The following TICRR variants were observed in gnomAD, a reference collection of about 807,000 sequenced individuals.
TICRR encodes the protein treslin.
A neutral mutation model predicts 178.1 loss-of-function variants in TICRR; 132 were observed. The ratio of observed to expected loss-of-function variants is 0.74; its 90% CI spans 0.64 to 0.86. TICRR has a LOEUF of 0.86. Among genes scored for constraint, TICRR ranks in the 40% least tolerant of loss-of-function variants. The probability of loss-of-function intolerance (pLI) is 0.00; values close to 1 mark genes in which losing one functional copy is unlikely to be tolerated. For synonymous variants in TICRR, 991 were observed against 900.7 expected (o/e 1.10, Z -1.79); for missense variants, 2,587 against 2,334.3 (o/e 1.11, Z -2.23).
chr15:89,618,360 G>A, intron 17 of TICRR, 150 bp downstream of exon 17: 2 of 732,090 alleles, frequency 2.7e-6, no homozygotes, highest in Non-Finnish European at 4.8e-6. Context: ...ATATTTATAA[G>A]TGAATGTTCT....
Position 89,581,953 on chromosome 15 carries a change from C to G in TICRR, c.655-733C>G, listed in dbSNP as rs80106495. ...GGTGGGCAAGTCAGAGTGATGGTCA[C>G]CGTCTGGGGGAGGTGCTCCTGCCTC... On this transcript the variant is annotated intron_variant, in intron 1 of 21. Coordinates refer to ENST00000268138, the MANE Select transcript of TICRR (RefSeq NM_152259.4). Among the ~76,000 whole-genome samples the G allele has an allele frequency of 6.7e-3, 1,020 of 152,234 alleles. 10 individuals are homozygous for G. The highest frequency in any genetic ancestry group is 0.023 in the African/African-American group (961 of 41,520).
At chr15:89,601,273 T>C (rs1374467907) in intron 9 of TICRR, 25 bp from the exon 10 acceptor site, 3 of 1,607,738 alleles carry the variant, frequency 1.9e-6, no homozygotes, top group Non-Finnish European at 2.6e-6. Context: ...AAAGTAGATA[T>C]GACCAAGTAT....
rs756369409 is a variant in TICRR at position 89,582,736 on chromosome 15, C to G, written c.705C>G (p.Leu235=). The change falls in exon 2 of 22, where the codon CTC becomes CTG. Residue 235 remains leucine (L), a synonymous_variant. Transcript: ENST00000268138. ...GATACTGGACTGTTTGTGAACTGCT[C>G]CACCACGGAGGTGGCACTGTCTTGC... The part of the protein sequence containing the change: ...HLGYWTVCEL[L]HHGGGTVLPS... The G allele has an allele frequency of 6.2e-7, 1 of 1,614,198 alleles. No homozygotes were observed. Among genetic ancestry groups the G allele is most frequent in the South Asian group, 1.1e-5 (1 of 91,080 alleles).
At chr15:89,588,574 GGA>G (rs749007220) in intron 4 of TICRR, among the ~76,000 whole-genome samples, 1 of 152,184 alleles carries the variant, frequency 6.6e-6, no homozygotes, top group African/African-American at 2.4e-5. Context: ...TCTGCTCAAA[GGA>G]GAGAGCTAAA....
At chr15:89,619,408 TAG>T (rs1263016156) in intron 17 of TICRR, among the ~76,000 whole-genome samples, 3 of 152,026 alleles carry the variant, frequency 2.0e-5, no homozygotes, top group Non-Finnish European at 4.4e-5. Flanking sequence ...GTATTTTTAG[TAG>T]AGACAGGGTT....
intron 4 of TICRR, 96 bp downstream of exon 4, chr15:89,586,038 T>A: frequency 1.2e-6 from 1 of 811,100 alleles, no homozygotes; most frequent in Non-Finnish European, 2.0e-6. Context: ...AGAACCCCAA[T>A]ATGTTATAAC....
rs140425661 is a variant in TICRR, at chr15:89,622,311, C to A, written c.3312+761C>A. Reference sequence around the variant, plus strand: ...TACAAACTGACTCTTGTACCCACCCCCTCTTCTCCCCTACTGCAATTCCTA... The same window carrying A: ...TACAAACTGACTCTTGTACCCACCCACTCTTCTCCCCTACTGCAATTCCTA... On this transcript the variant is annotated intron_variant, in intron 19 of 21. Transcript: ENST00000268138. Among the ~76,000 whole-genome samples, 715 of 152,128 alleles carry A rather than the reference C, an allele frequency of 4.7e-3. 10 individuals are homozygous for A. Among genetic ancestry groups the A allele is most frequent in the African/African-American group, 0.016 (683 of 41,430 alleles).
intron 2 of TICRR, 42 bp downstream of exon 2, chr15:89,583,007 CA>C (rs756047012): frequency 1.3e-6 from 2 of 1,525,112 alleles, no homozygotes; most frequent in Non-Finnish European, 1.8e-6. Context: ...TTTTAAATCT[CA>C]GTTACATTAA....
Position 89,601,298 on chromosome 15 carries a change from G to C in TICRR, c.2154G>C (p.Glu718Asp). 6.2e-7 allele frequency: 1 copy of C among 1,613,122 alleles called. No homozygotes were observed. Among genetic ancestry groups the C allele is most frequent in the Non-Finnish European group, 8.5e-7 (1 of 1,179,672 alleles). ...TGACCAAGTATTTTTTTCTCTCAAG[G>C]TGCCAGCTTCAGGTATTTCTTCGTT... ...KKLDKEDKVR[E>D]CQLQVFLRLE... The change falls in exon 10 of 22, where the codon GAG becomes GAC. Residue 718 changes from glutamate (E) to aspartate (D), a missense_variant and splice_region_variant. Physicochemically the swap from Glu to Asp is conservative, Grantham distance 45. Transcript: ENST00000268138.
At position 89,576,137 on chromosome 15, in the gene TICRR, C is replaced by T. The variant is rs767162484; in HGVS notation, c.551C>T (p.Thr184Ile). 42 of 1,608,606 alleles carry T rather than the reference C, an allele frequency of 2.6e-5. No homozygotes were observed. The highest frequency in any genetic ancestry group is 1.6e-4 in the Middle Eastern group (1 of 6,084). The part of the protein sequence containing the change: ...CEAQAQRLPP[T>I]PKQVMEKLLP... ...GCCCAGGCCCAGCGCCTGCCGCCCA[C>T]CCCTAAGCAGGTGATGGAGAAGTTG... is the stretch of plus-strand genomic sequence containing the variant. Residue 184 changes from threonine to isoleucine, a missense_variant, in exon 1 of 22, where the codon ACC becomes ATC. By Grantham distance (89) the Thr-to-Ile change is moderately conservative. Coordinates refer to ENST00000268138, the MANE Select transcript of TICRR (RefSeq NM_152259.4).
chr15:89,609,100 C>CTTTTTTTT lies in TICRR; in HGVS notation c.2869+172_2869+179dup, dbSNP rs59398617. ...CTAAAGGTTTGTCAATTTTGTTAAT[C>CTTTTTTTT]TTTTTTTTTTTTTTTTTTTTTTTTT... On this transcript the variant is annotated intron_variant, in intron 15 of 21. Coordinates refer to ENST00000268138, the MANE Select transcript of TICRR (RefSeq NM_152259.4). The CTTTTTTTT allele has an allele frequency of 1.2e-3, 101 of 84,900 alleles. 13 individuals are homozygous for CTTTTTTTT. The highest frequency in any genetic ancestry group is 6.2e-3 in the African/African-American group (58 of 9,420). The allele number at this position is 84,900 out of a possible 1,614,324, so 5.3% of individuals were successfully genotyped here.
chr15:89,604,316 C>G (rs992371431), intron 13 of TICRR, among the ~76,000 whole-genome samples: 4 of 152,154 alleles, frequency 2.6e-5, no homozygotes, highest in African/African-American at 9.7e-5. Flanking sequence ...AAATGCATAT[C>G]TTATATATCT....
Position 89,619,858 on chromosome 15 carries a change from C to A in TICRR, c.3154+16C>A. The A allele has an allele frequency of 6.3e-7, 1 of 1,597,272 alleles. No homozygotes were observed. Among genetic ancestry groups the A allele is most frequent in the South Asian group, 1.1e-5 (1 of 87,458 alleles). On this transcript the variant is annotated intron_variant, in intron 18 of 21. Coordinates refer to ENST00000268138, the MANE Select transcript of TICRR (RefSeq NM_152259.4). ...GATAAGTCAGGTAACATACGGGCCC[C>A]TCTGCCTTCACAAGTCCGTGCTGAC...
At chr15:89,586,091 T>G (rs1473145758) in intron 4 of TICRR, 149 bp downstream of exon 4, 6 of 601,820 alleles carry the variant, frequency 1.0e-5, no homozygotes, top group South Asian at 2.3e-5. Context: ...GTTTAAATCA[T>G]TATTATTTAT....
At chr15:89,616,801 T>C (rs1292925288) in intron 16 of TICRR, among the ~76,000 whole-genome samples, 2 of 152,200 alleles carry the variant, frequency 1.3e-5, no homozygotes, top group Admixed American at 6.5e-5. Context: ...TCTGTGAACA[T>C]AGAGAAGGTG....
At position 89,600,705 on chromosome 15, in the gene TICRR, T is replaced by A. The variant is rs764075946; in HGVS notation, c.2153+20T>A. 3.7e-5 allele frequency: 44 copies of A among 1,188,644 alleles called. No individual in the cohort carries two copies. Among genetic ancestry groups the A allele is most frequent in the Admixed American group, 1.9e-4 (9 of 47,012 alleles). The allele number at this position is 1,188,644 out of a possible 1,614,324, so 73.6% of individuals were successfully genotyped here. A position where few individuals can be genotyped will look rare whatever the true frequency, so the allele number is the denominator to read the frequency against. On this transcript the variant is annotated intron_variant, in intron 9 of 21. Coordinates refer to ENST00000268138, the MANE Select transcript of TICRR (RefSeq NM_152259.4). ...TAGAGAGTAAGTAACTACCATTTTT[T>A]AAAAAATCATCACTCTAAAAGCTGT...
chr15:89,602,814 A>T lies in TICRR; in HGVS notation c.2586A>T (p.Arg862Ser). The T allele has an allele frequency of 6.6e-7, 1 of 1,506,994 alleles. No homozygotes were observed. The highest frequency in any genetic ancestry group is 8.9e-7 in the Non-Finnish European group (1 of 1,126,810). 93.4% of individuals were successfully genotyped at this position (1,506,994 alleles called of 1,614,324 possible). ...TTAAAAGGAAAAATGCATTAATAAG[A>T]CATAAAAGCATTGCTGAGGTTTCAC... Reference protein sequence around the residue: ...AKKRRKNALIRHKSIAEVSQN... With the variant: ...AKKRRKNALISHKSIAEVSQN... The change falls in exon 13 of 22, where the codon AGA becomes AGT. Residue 862 changes from arginine to serine, a missense_variant. Transcript: ENST00000268138.
At position 89,621,418 on chromosome 15, in the gene TICRR, A is replaced by G. The variant is rs1963422969; in HGVS notation, c.3180A>G (p.Gln1060=). ...ACCAAAGAGAAAATTCTCCAGTCCA[A>G]AGTATTCGGTCTCCCAAGAGTCTTC... ...KSDQRENSPV[Q]SIRSPKSLLF... is the part of the protein sequence containing the mutation. The change falls in exon 19 of 22, where the codon CAA becomes CAG. Residue 1060 remains glutamine (Q), a synonymous_variant. Coordinates refer to ENST00000268138, the MANE Select transcript of TICRR (RefSeq NM_152259.4). 2.5e-6 allele frequency: 4 copies of G among 1,605,458 alleles called. No individual in the cohort carries two copies. The South Asian group carries it at 4.5e-5, about 18-fold the overall frequency.
intron 15 of TICRR, among the ~76,000 whole-genome samples, chr15:89,609,341 G>A (rs768267188): frequency 1.3e-5 from 2 of 151,802 alleles, no homozygotes; most frequent in Non-Finnish European, 2.9e-5. Flanking sequence ...TCAAACTCCT[G>A]AGCTCAAGCG....
Sources: gnomAD v4.1 joint callset for allele counts (sites outside exome capture counted in the v4.1 genomes callset) on GRCh38, gnomAD v4.1.1 for gene constraint, MANE v1.5 for transcripts, NCBI Gene and HGNC (gene_info 2026-07-23, HGNC 2026-07-21) for gene names.